TBC1D14: variants seen among roughly 807,000 people sequenced by gnomAD.
The protein encoded by TBC1D14 is TBC1 domain family member 14.
Under a neutral mutation model 79.0 loss-of-function variants are expected in TBC1D14, and 26 were observed. The ratio of observed to expected loss-of-function variants is 0.33; its 90% confidence interval spans 0.24 to 0.46. The LOEUF is 0.46. Among genes scored for constraint, TBC1D14 ranks in the 20% least tolerant of loss-of-function variants. The pLI is 1.00. For synonymous variants in TBC1D14, 394 were observed against 349.9 expected (o/e 1.13, Z -1.40); for missense variants, 769 against 887.6 (o/e 0.87, Z 1.70).
At chr4:6,919,915 G>A (rs1411552696) in intron 1 of TBC1D14, among the ~76,000 whole-genome samples, 1 of 152,124 alleles carries the variant, frequency 6.6e-6, no homozygotes, top group African/African-American at 2.4e-5. Context: ...CACCGTGCCC[G>A]GCCTATTTAT....
chr4:7,028,930 G>C (rs954507757), intron 13 of TBC1D14, among the ~76,000 whole-genome samples: 1 of 151,930 alleles, frequency 6.6e-6, no homozygotes, highest in South Asian at 2.1e-4. Context: ...CTGAACCTCC[G>C]GGGCTCAAGC....
At position 6,941,068 on chromosome 4, in the gene TBC1D14, G is replaced by C. The variant is rs1712855395; in HGVS notation, c.722+16957G>C. On this transcript the variant is annotated intron_variant, in intron 2 of 13. Coordinates refer to ENST00000409757, the MANE Select transcript of TBC1D14 (RefSeq NM_020773.3). ...ATGACTTGATGAAAGCAGGTTGGCTGTTCCGTGATCAACCAGTGCTCGAGA... is the reference window on the plus strand; with the variant it reads ...ATGACTTGATGAAAGCAGGTTGGCTCTTCCGTGATCAACCAGTGCTCGAGA... Among the ~76,000 whole-genome samples the C allele has an allele frequency of 3.3e-5, 5 of 151,820 alleles. No individual in the cohort carries two copies. In the South Asian group the frequency reaches 1.0e-3, roughly 31 times the overall value.
chr4:7,020,531 T>C (rs1721723994), intron 12 of TBC1D14, among the ~76,000 whole-genome samples: 1 of 152,098 alleles, frequency 6.6e-6, no homozygotes, highest in South Asian at 2.1e-4. Context: ...GCTGGTCAGG[T>C]TGGGAAAATG....
At chr4:7,027,496 ACC>A (rs770071917) in intron 13 of TBC1D14, among the ~76,000 whole-genome samples, 3 of 133,918 alleles carry the variant, frequency 2.2e-5, no homozygotes, top group African/African-American at 5.8e-5. Context: ...CCACAGTCAC[ACC>A]CCTACACCTC....
intron 7 of TBC1D14, among the ~76,000 whole-genome samples, chr4:7,001,979 C>T (rs4423873): frequency 0.033 from 5,004 of 152,266 alleles, 285 homozygotes; most frequent in African/African-American, 0.11. Context: ...GGGCCTAGGA[C>T]CTGCTGGGGA....
At chr4:7,014,318 C>T in intron 11 of TBC1D14, 130 bp from the exon 12 acceptor site, 1 of 609,580 alleles carries the variant, frequency 1.6e-6, no homozygotes, top group East Asian at 2.8e-5. Context: ...AATAAGTTGC[C>T]ATTCAAAGTG....
intron 3 of TBC1D14, among the ~76,000 whole-genome samples, chr4:6,981,517 C>G (rs1553864578): frequency 6.6e-6 from 1 of 152,158 alleles, no homozygotes. Context: ...GTACGTACTT[C>G]CTCACTCATT....
At position 7,006,496 on chromosome 4, in the gene TBC1D14, A is replaced by G. The variant is rs558511096; in HGVS notation, c.1352-136A>G. ...TTAAATACTCTGAAGCTGCACTCTG[A>G]GTCAAGATGTGATTAGGTCAGTGTG... is the stretch of plus-strand genomic sequence containing the variant. On this transcript the variant is annotated intron_variant, in intron 8 of 13. Coordinates refer to ENST00000409757, the MANE Select transcript of TBC1D14 (RefSeq NM_020773.3). The G allele has an allele frequency of 3.8e-5, 23 of 609,840 alleles. No homozygotes were observed. In the Middle Eastern group the frequency reaches 1.0e-3, roughly 28 times the overall value. The allele number at this position is 609,840 out of a possible 1,614,324, so 37.8% of individuals were successfully genotyped here. A position where few individuals can be genotyped will look rare whatever the true frequency, so the allele number is the denominator to read the frequency against.
At chr4:6,954,624 G>T (rs1201522045) in intron 2 of TBC1D14, among the ~76,000 whole-genome samples, 1 of 151,832 alleles carries the variant, frequency 6.6e-6, no homozygotes, top group Non-Finnish European at 1.5e-5. Context: ...TTTTTGAGAC[G>T]GAGTCTGGTT....
At chr4:6,976,998 C>G (rs1716767420) in intron 3 of TBC1D14, among the ~76,000 whole-genome samples, 1 of 149,630 alleles carries the variant, frequency 6.7e-6, no homozygotes, top group Admixed American at 6.7e-5. Context: ...CCCCAATGGA[C>G]TATCAATCCC....
intron 2 of TBC1D14, among the ~76,000 whole-genome samples, chr4:6,960,721 C>G (rs1715113620): frequency 6.6e-6 from 1 of 152,180 alleles, no homozygotes; most frequent in African/African-American, 2.4e-5. Flanking sequence ...TGTATGGGAC[C>G]GCACAGGCCC....
At chr4:6,916,934 A>T (rs1314676252) in intron 1 of TBC1D14, among the ~76,000 whole-genome samples, 1 of 152,180 alleles carries the variant, frequency 6.6e-6, no homozygotes, top group Non-Finnish European at 1.5e-5. Context: ...TGCTGTCACT[A>T]GGACGTTAGT....
intron 12 of TBC1D14, among the ~76,000 whole-genome samples, chr4:7,015,753 C>T (rs1199423658): frequency 6.6e-6 from 1 of 152,178 alleles, no homozygotes; most frequent in Non-Finnish European, 1.5e-5. Flanking sequence ...CCATTATTGC[C>T]TTGTGGTCTT....
At chr4:6,945,960 C>T (rs1223836529) in intron 2 of TBC1D14, among the ~76,000 whole-genome samples, 1 of 152,010 alleles carries the variant, frequency 6.6e-6, no homozygotes. Context: ...GAAACCTGCG[C>T]CTCAGGATGC....
chr4:6,932,865 C>T (rs893512183), intron 2 of TBC1D14, among the ~76,000 whole-genome samples: 1 of 152,156 alleles, frequency 6.6e-6, no homozygotes, highest in African/African-American at 2.4e-5. Flanking sequence ...TGGCTTGAAA[C>T]AACATGGCTG....
In TBC1D14 at chr4:7,009,649, A is replaced by G. The variant is rs545394367; in HGVS notation, c.1447-228A>G. Among the ~76,000 whole-genome samples the G allele has an allele frequency of 2.6e-5, 4 of 152,334 alleles. No homozygotes were observed. In the East Asian group the frequency reaches 5.8e-4, roughly 22 times the overall value. ...GGGTGGTGCTCCTGCCTGGCCCTCC[A>G]GCTTCTTTTCAGAGCAGTTACATAG... is the stretch of plus-strand genomic sequence containing the variant. On this transcript the variant is annotated intron_variant, in intron 9 of 13. Coordinates refer to ENST00000409757, the MANE Select transcript of TBC1D14 (RefSeq NM_020773.3).
chr4:6,922,608 G>T (rs755628124), intron 1 of TBC1D14, among the ~76,000 whole-genome samples: 1 of 152,160 alleles, frequency 6.6e-6, no homozygotes, highest in Non-Finnish European at 1.5e-5. Context: ...AATTTATTTT[G>T]TTGTTGTTTT....
At chr4:6,944,211 G>A (rs891926313) in intron 2 of TBC1D14, among the ~76,000 whole-genome samples, 3 of 152,128 alleles carry the variant, frequency 2.0e-5, no homozygotes, top group African/African-American at 7.2e-5. Context: ...ATTTTAAACA[G>A]ATAAAAATGG....
chr4:6,990,694 G>A (rs1560316590), intron 3 of TBC1D14, among the ~76,000 whole-genome samples: 1 of 152,154 alleles, frequency 6.6e-6, no homozygotes, highest in Non-Finnish European at 1.5e-5. Context: ...TGGCACTTGA[G>A]GGAGTGAGTG....
Sources: gnomAD v4.1 joint callset for allele counts (sites outside exome capture counted in the v4.1 genomes callset) on GRCh38, gnomAD v4.1.1 for gene constraint, MANE v1.5 for transcripts, NCBI Gene and HGNC (gene_info 2026-07-23, HGNC 2026-07-21) for gene names.